KALRN: variants seen among roughly 807,000 people sequenced by gnomAD.
KALRN encodes the protein kalirin.
KALRN carries 70 observed loss-of-function variants against 353.7 expected under a neutral mutation model. The observed-to-expected ratio is 0.20, with a 90% confidence interval of 0.16 to 0.24. KALRN has a LOEUF of 0.24. KALRN is among the 10% of genes least tolerant of loss of function. KALRN has a pLI of 1.00. For synonymous variants in KALRN, 1,391 were observed against 1,434.8 expected, an observed-to-expected ratio of 0.97 and a Z score of 0.69; for missense variants, 2,791 against 3,756.7, an observed-to-expected ratio of 0.74 and a Z score of 6.72.
chr3:124,305,080 G>T (rs1205918060), intron 6 of KALRN, among the ~76,000 whole-genome samples: 1 of 152,208 alleles, frequency 6.6e-6, no homozygotes, highest in Non-Finnish European at 1.5e-5. Context: ...AAGTGGGGGT[G>T]TCATTCAGGA....
At chr3:124,344,300 C>T (rs2082060528) in intron 9 of KALRN, among the ~76,000 whole-genome samples, 1 of 152,198 alleles carries the variant, frequency 6.6e-6, no homozygotes, top group African/African-American at 2.4e-5. Context: ...TCAAGCCACA[C>T]ATAAATTTAT....
chr3:124,233,055 T>A (rs1179198340), intron 2 of KALRN, among the ~76,000 whole-genome samples: 2 of 152,142 alleles, frequency 1.3e-5, no homozygotes, highest in East Asian at 3.9e-4. Flanking sequence ...GAATCTCATG[T>A]CTCCAAGGCC....
At chr3:124,125,046 G>T (rs1051183338) in intron 1 of KALRN, among the ~76,000 whole-genome samples, 4 of 152,170 alleles carry the variant, frequency 2.6e-5, no homozygotes, top group Non-Finnish European at 4.4e-5. Flanking sequence ...ACCAAATCTT[G>T]CTGAGCCTAC....
rs770526424 is a variant in KALRN at position 124,422,835 on chromosome 3, G to C, written c.2566G>C (p.Asp856His). The change falls in exon 15 of 60, where the codon GAC becomes CAC. Residue 856 changes from aspartate to histidine, a missense_variant. Asp to His is a moderately conservative substitution (Grantham distance 81). Transcript: ENST00000682506. ...ASGIELICEKDIDLAAQVQEL... is the reference protein window; with the variant it reads ...ASGIELICEKHIDLAAQVQEL... ...AGGAATTGAGTTGATCTGTGAAAAA[G>C]ACATTGATCTGGCAGCCCAGGTGCA... 3.1e-6 allele frequency: 5 copies of C among 1,613,816 alleles called. No individual in the cohort carries two copies. The highest frequency in any genetic ancestry group is 3.4e-6 in the Non-Finnish European group (4 of 1,179,820).
intron 1 of KALRN, among the ~76,000 whole-genome samples, chr3:124,220,186 G>A (rs1015946796): frequency 1.3e-5 from 2 of 152,090 alleles, no homozygotes; most frequent in Non-Finnish European, 2.9e-5. Context: ...CTCGTGATCT[G>A]CCCACTTGGG....
chr3:124,139,724 T>G (rs2066392556), intron 1 of KALRN, among the ~76,000 whole-genome samples: 1 of 152,126 alleles, frequency 6.6e-6, no homozygotes, highest in Non-Finnish European at 1.5e-5. Context: ...GAGAGTGAGA[T>G]AGAACTGTGG....
chr3:124,295,499 G>A (rs1042849852), intron 5 of KALRN, among the ~76,000 whole-genome samples: 1 of 152,072 alleles, frequency 6.6e-6, no homozygotes, highest in East Asian at 1.9e-4. Context: ...TAATTGGCCT[G>A]TGTTCAGCTT....
chr3:124,297,433 TGGTCCCTAGCATGTG>T (rs1440709635), intron 5 of KALRN, among the ~76,000 whole-genome samples: 7 of 152,348 alleles, frequency 4.6e-5, no homozygotes, highest in Middle Eastern at 3.4e-3. Flanking sequence ...CATTGTTTTT[TGGTCCCTAGCATGTG>T]TGAGTCACTG....
intron 10 of KALRN, among the ~76,000 whole-genome samples, chr3:124,350,969 T>C (rs191866342): frequency 1.8e-4 from 27 of 152,230 alleles, no homozygotes; most frequent in African/African-American, 4.1e-4. Flanking sequence ...CTCTGGGAGA[T>C]TGAGTGGCCC....
At chr3:124,699,065 T>A (rs2062196090) in intron 55 of KALRN, among the ~76,000 whole-genome samples, 1 of 152,218 alleles carries the variant, frequency 6.6e-6, no homozygotes, top group Non-Finnish European at 1.5e-5. Context: ...CTACTTTCCA[T>A]TATGCTTATT....
intron 31 of KALRN, among the ~76,000 whole-genome samples, 160 bp from the exon 32 acceptor site, chr3:124,492,580 T>C (rs1255520218): frequency 6.6e-6 from 1 of 152,220 alleles, no homozygotes; most frequent in Non-Finnish European, 1.5e-5. Flanking sequence ...AGAAGCCTGT[T>C]TCTGGTATTG....
At chr3:124,316,907 T>C (rs1007858188) in intron 6 of KALRN, among the ~76,000 whole-genome samples, 2 of 152,238 alleles carry the variant, frequency 1.3e-5, no homozygotes, top group Admixed American at 6.5e-5. Context: ...AGGCAAGATA[T>C]TGATGAAAGC....
intron 1 of KALRN, among the ~76,000 whole-genome samples, chr3:124,188,643 G>A (rs2074518701): frequency 6.6e-6 from 1 of 152,182 alleles, no homozygotes; most frequent in Non-Finnish European, 1.5e-5. Flanking sequence ...AGGTGTTTCA[G>A]AGGGGAGGCA....
At chr3:124,248,257 C>G (rs113518473) in intron 3 of KALRN, among the ~76,000 whole-genome samples, 8,370 of 152,268 alleles carry the variant, frequency 0.055, 322 homozygotes, top group South Asian at 0.082. Context: ...GGGCTTCACC[C>G]CCCCCATACT....
At chr3:124,253,873 T>TC (rs1374718548) in intron 3 of KALRN, among the ~76,000 whole-genome samples, 2 of 152,156 alleles carry the variant, frequency 1.3e-5, no homozygotes, top group East Asian at 3.9e-4. Flanking sequence ...GAAATCTTCA[T>TC]CCCCCTGACT....
chr3:124,615,528 G>A (rs2078483440), intron 34 of KALRN, among the ~76,000 whole-genome samples: 1 of 152,180 alleles, frequency 6.6e-6, no homozygotes, highest in Non-Finnish European at 1.5e-5. Context: ...TTCTCAGTTT[G>A]GAAAGAGAAA....
At chr3:124,658,585 A>T (rs73193757) in intron 42 of KALRN, 68 bp downstream of exon 42, 27,794 of 1,162,892 alleles carry the variant, frequency 0.024, 495 homozygotes, top group Non-Finnish European at 0.027. Flanking sequence ...CACTTTCAGA[A>T]ATACCAGACG....
intron 37 of KALRN, among the ~76,000 whole-genome samples, chr3:124,647,014 C>A (rs902960611): frequency 6.6e-6 from 1 of 152,084 alleles, no homozygotes; most frequent in South Asian, 2.1e-4. Context: ...TGCTTACAAC[C>A]CTTCCATCAT....
At chr3:124,358,391 T>C (rs1449885902) in intron 10 of KALRN, among the ~76,000 whole-genome samples, 1 of 152,202 alleles carries the variant, frequency 6.6e-6, no homozygotes, top group Non-Finnish European at 1.5e-5. Context: ...AAGTCTTTTT[T>C]TTTCTTTTTA....
Sources: allele counts gnomAD v4.1 joint callset (sites outside exome capture counted in the v4.1 genomes callset), GRCh38; gene constraint gnomAD v4.1.1; transcripts MANE v1.5; gene names NCBI Gene and HGNC (gene_info 2026-07-23, HGNC 2026-07-21).